The following GRID1 variants were observed in gnomAD, a reference collection of about 807,000 sequenced individuals.
GRID1 encodes glutamate receptor ionotropic, delta-1.
A neutral mutation model predicts 98.0 loss-of-function variants in GRID1; 28 were observed. The ratio of observed to expected loss-of-function variants is 0.29; its 90% CI spans 0.21 to 0.39. The LOEUF (loss-of-function observed/expected upper bound fraction) is 0.39. Ranked by LOEUF, GRID1 falls within the 10% of genes least tolerant of loss-of-function variation. The pLI is 1.00. For missense variants in GRID1, 1,111 were observed against 1,340.5 expected, an observed-to-expected ratio of 0.83 and a Z score of 2.67; for synonymous variants, 553 against 538.5, an observed-to-expected ratio of 1.03 and a Z score of -0.37.
chr10:85,718,015 C>T (rs190966913), intron 12 of GRID1, among the ~76,000 whole-genome samples: 77 of 152,324 alleles, frequency 5.1e-4, no homozygotes, highest in African/African-American at 1.8e-3. Context: ...GGCAACTCCG[C>T]CCCTGTGGCT....
At chr10:86,252,011 A>T (rs1169384128) in intron 2 of GRID1, among the ~76,000 whole-genome samples, 2 of 152,196 alleles carry the variant, frequency 1.3e-5, no homozygotes, top group Non-Finnish European at 2.9e-5. Context: ...TATCACTTGC[A>T]GAGGTTGGTA....
chr10:85,968,321 G>A (rs185529730), intron 4 of GRID1, among the ~76,000 whole-genome samples: 1,952 of 152,020 alleles, frequency 0.013, 21 homozygotes, highest in South Asian at 0.036. Context: ...CCTGGTGGCG[G>A]GCACCTGTAG....
At chr10:86,318,206 C>T (rs992059315) in intron 2 of GRID1, among the ~76,000 whole-genome samples, 4 of 152,354 alleles carry the variant, frequency 2.6e-5, no homozygotes, top group African/African-American at 9.6e-5. Flanking sequence ...TGACTCAGCA[C>T]CTGAGTGCTG....
chr10:85,823,442 C>T (rs1390314807), intron 8 of GRID1, among the ~76,000 whole-genome samples: 3 of 151,126 alleles, frequency 2.0e-5, no homozygotes, highest in African/African-American at 7.3e-5. Flanking sequence ...CAAAAATAAA[C>T]AGAAAATTAA....
intron 4 of GRID1, among the ~76,000 whole-genome samples, chr10:86,005,656 T>C (rs1311825304): frequency 6.6e-6 from 1 of 152,150 alleles, no homozygotes; most frequent in Non-Finnish European, 1.5e-5. Context: ...CCAAAGCACA[T>C]ATCCAGACTC....
At chr10:85,863,960 T>G (rs1040634279) in intron 6 of GRID1, among the ~76,000 whole-genome samples, 1 of 152,204 alleles carries the variant, frequency 6.6e-6, no homozygotes, top group African/African-American at 2.4e-5. Context: ...CAGACCATTA[T>G]CCTCCCAACA....
intron 4 of GRID1, among the ~76,000 whole-genome samples, chr10:86,074,750 G>A (rs1384578599): frequency 6.6e-6 from 1 of 152,192 alleles, no homozygotes; most frequent in African/African-American, 2.4e-5. Flanking sequence ...AGAGCACTCT[G>A]ATGGAAAGGA....
At chr10:85,747,842 T>C (rs1842011810) in intron 8 of GRID1, among the ~76,000 whole-genome samples, 1 of 152,204 alleles carries the variant, frequency 6.6e-6, no homozygotes, top group African/African-American at 2.4e-5. Flanking sequence ...CCATATCTAA[T>C]TTTACCTTTC....
intron 8 of GRID1, among the ~76,000 whole-genome samples, chr10:85,833,835 G>A (rs1028054580): frequency 2.6e-5 from 4 of 152,106 alleles, no homozygotes; most frequent in African/African-American, 9.7e-5. Flanking sequence ...TAACTAAAAC[G>A]AAACACTCAC....
chr10:85,618,214 C>T (rs1414370362), intron 14 of GRID1, among the ~76,000 whole-genome samples: 2 of 152,188 alleles, frequency 1.3e-5, no homozygotes, highest in African/African-American at 4.8e-5. Flanking sequence ...TGTGAGCACA[C>T]GGGGACTCTA....
intron 8 of GRID1, among the ~76,000 whole-genome samples, chr10:85,758,018 T>A (rs1054129716): frequency 4.6e-5 from 7 of 152,166 alleles, no homozygotes; most frequent in Non-Finnish European, 1.0e-4. Context: ...CCTTGGACAT[T>A]GAGGCAGTCC....
intron 2 of GRID1, among the ~76,000 whole-genome samples, chr10:86,327,506 T>C (rs1362210404): frequency 6.6e-6 from 1 of 152,242 alleles, no homozygotes; most frequent in Non-Finnish European, 1.5e-5. Context: ...GACACCTATA[T>C]ACTGCTCTTT....
At chr10:85,851,342 T>G (rs995884636) in intron 8 of GRID1, among the ~76,000 whole-genome samples, 8 of 152,204 alleles carry the variant, frequency 5.3e-5, no homozygotes, top group Non-Finnish European at 7.3e-5. Flanking sequence ...ATATTTTGCT[T>G]GTAGTTACAC....
intron 13 of GRID1, chr10:85,644,241 C>T (rs1273196946): frequency 2.0e-5 from 3 of 152,314 alleles, no homozygotes; most frequent in Non-Finnish European, 4.4e-5. Context: ...CCATACATTT[C>T]TCCAGGAATG....
At chr10:85,855,409 C>T (rs1410810450) in intron 7 of GRID1, among the ~76,000 whole-genome samples, 1 of 152,218 alleles carries the variant, frequency 6.6e-6, no homozygotes, top group East Asian at 1.9e-4. Flanking sequence ...GTCCCAGAAA[C>T]ACCTGGCCCA....
At chr10:85,977,340 T>C (rs1333144073) in intron 4 of GRID1, among the ~76,000 whole-genome samples, 4 of 151,762 alleles carry the variant, frequency 2.6e-5, no homozygotes, top group African/African-American at 4.8e-5. Flanking sequence ...TGGTGAGAAG[T>C]GAGGGGAACA....
intron 4 of GRID1, among the ~76,000 whole-genome samples, chr10:85,968,735 TA>T (rs530687792): frequency 3.7e-4 from 56 of 152,248 alleles, no homozygotes; most frequent in African/African-American, 1.2e-3. Flanking sequence ...ATTAAAATGT[TA>T]CATTAGAAAA....
chr10:86,034,255 T>G (rs925387220), intron 4 of GRID1, among the ~76,000 whole-genome samples: 5 of 152,194 alleles, frequency 3.3e-5, no homozygotes, highest in Admixed American at 6.5e-5. Flanking sequence ...CATGTGTGTG[T>G]GTGAGTATGT....
At chr10:86,279,940 A>G (rs576776004) in intron 2 of GRID1, among the ~76,000 whole-genome samples, 1 of 152,340 alleles carries the variant, frequency 6.6e-6, no homozygotes, top group South Asian at 2.1e-4. Flanking sequence ...GCAGCAGCTC[A>G]TGCCTCTAAT....
Sources: allele counts gnomAD v4.1 joint callset (sites outside exome capture counted in the v4.1 genomes callset), GRCh38; gene constraint gnomAD v4.1.1; transcripts MANE v1.5; gene names NCBI Gene and HGNC (gene_info 2026-07-23, HGNC 2026-07-21).